The following ZC3H12B variants were observed in gnomAD, a reference collection of about 807,000 sequenced individuals.
ZC3H12B encodes the protein zinc finger CCCH-type containing 12B.
A neutral mutation model predicts 43.9 loss-of-function variants in ZC3H12B; 7 were observed. The observed-to-expected ratio is 0.16, with a 90% CI of 0.09 to 0.30. The LOEUF is 0.30. ZC3H12B is among the 10% of genes least tolerant of loss of function. ZC3H12B has a pLI of 1.00. For missense variants in ZC3H12B, 475 were observed against 670.2 expected, an observed-to-expected ratio of 0.71 and a Z score of 3.22; for synonymous variants, 222 against 241.7, an observed-to-expected ratio of 0.92 and a Z score of 0.76.
At chrX:65,478,425 T>G (rs2068024018) in intron 3 of ZC3H12B, among the ~76,000 whole-genome samples, 1 of 112,305 alleles carries the variant, frequency 8.9e-6, no homozygotes, top group South Asian at 3.7e-4. Flanking sequence ...AATTTTTTTG[T>G]TGAAGACTGA....
chrX:65,096,944 A>G, the ZC3H12B span, among the ~76,000 whole-genome samples: 18 of 111,668 alleles, frequency 1.6e-4, no homozygotes, highest in African/African-American at 5.9e-4. Flanking sequence ...TCAAGAGTGT[A>G]AGGGGATCCT....
chrX:65,231,790 A>C, the ZC3H12B span, among the ~76,000 whole-genome samples: 2 of 111,831 alleles, frequency 1.8e-5, no homozygotes, highest in Admixed American at 1.9e-4. Context: ...CACTGATTTC[A>C]TATTGTTCAA....
At chrX:65,220,859 A>G in the ZC3H12B span, among the ~76,000 whole-genome samples, 1 of 111,789 alleles carries the variant, frequency 8.9e-6, no homozygotes, top group Non-Finnish European at 1.9e-5. Context: ...GACTAAACAG[A>G]TAGTGCAGAA....
chrX:65,040,613 A>G, the ZC3H12B span, among the ~76,000 whole-genome samples: 5 of 110,593 alleles, frequency 4.5e-5, no homozygotes, highest in East Asian at 1.4e-3. Flanking sequence ...TGCAGTTTTT[A>G]CGGTTTTCTT....
chrX:65,503,312 G>T (rs1474928158), exon 5 of ZC3H12B: 2 of 748,658 alleles, frequency 2.7e-6, no homozygotes, highest in Non-Finnish European at 1.9e-6. Flanking sequence ...CGCTTTACAA[G>T]TTAGAGTGTT....
At chrX:65,143,631 T>C in the ZC3H12B span, among the ~76,000 whole-genome samples, 24,413 of 107,299 alleles carry the variant, frequency 0.23, 7,213 homozygotes, top group African/African-American at 0.8. Flanking sequence ...GGTGTGATCA[T>C]GGCTCACTGC....
chrX:65,336,322 G>A, the ZC3H12B span, among the ~76,000 whole-genome samples: 1 of 111,594 alleles, frequency 9.0e-6, no homozygotes, highest in African/African-American at 3.2e-5. Context: ...TGGCAACCCA[G>A]CCCGCTACAC....
chrX:65,114,282 A>G, the ZC3H12B span, among the ~76,000 whole-genome samples: 1,193 of 108,488 alleles, frequency 0.011, 7 homozygotes, highest in South Asian at 0.032. Context: ...AATGAATTGG[A>G]AAGAGTTCTT....
At chrX:65,401,194 C>T (rs1469081576) in intron 3 of ZC3H12B, among the ~76,000 whole-genome samples, 1 of 111,405 alleles carries the variant, frequency 9.0e-6, no homozygotes, top group Non-Finnish European at 1.9e-5. Context: ...AAAAAACATT[C>T]CTGAATCTCA....
At chrX:65,118,342 C>T in the ZC3H12B span, among the ~76,000 whole-genome samples, 1 of 111,377 alleles carries the variant, frequency 9.0e-6, no homozygotes, top group Non-Finnish European at 1.9e-5. Context: ...TGGGAGTTCA[C>T]TCATGATTTG....
At chrX:65,091,595 T>C in the ZC3H12B span, among the ~76,000 whole-genome samples, 2 of 112,072 alleles carry the variant, frequency 1.8e-5, no homozygotes, top group Admixed American at 9.5e-5. Context: ...GGACAAGGTG[T>C]GATGTAACAT....
At chrX:65,348,095 A>G in the ZC3H12B span, among the ~76,000 whole-genome samples, 9 of 104,662 alleles carry the variant, frequency 8.6e-5, no homozygotes, top group African/African-American at 3.1e-4. Flanking sequence ...GGGTGGGGGG[A>G]GTGGGGGGAT....
chrX:65,317,758 TAC>T, the ZC3H12B span, among the ~76,000 whole-genome samples: 3 of 102,856 alleles, frequency 2.9e-5, no homozygotes, highest in African/African-American at 3.5e-5. Flanking sequence ...TGTGTGTGTA[TAC>T]ACACACACAC....
chrX:65,450,795 A>G (rs181937996), intron 3 of ZC3H12B, among the ~76,000 whole-genome samples: 676 of 62,584 alleles, frequency 0.011, 3 homozygotes, highest in Admixed American at 0.025. Flanking sequence ...ATATGTATAT[A>G]TATACATATG....
chrX:65,202,172 ATTATATGTAATATATATTAT>A, the ZC3H12B span, among the ~76,000 whole-genome samples: 2 of 89,963 alleles, frequency 2.2e-5, no homozygotes, highest in Non-Finnish European at 4.5e-5. Flanking sequence ...TATAATATAT[ATTATATGTAATATATATTAT>A]ATATAATATA....
In ZC3H12B at chrX:65,392,339, C is replaced by T. The variant is rs770311746; in HGVS notation, n.296-6254C>T. Among the ~76,000 whole-genome samples the T allele has an allele frequency of 2.8e-3, 309 of 111,855 alleles. 3 individuals carry two copies. The highest frequency in any genetic ancestry group is 9.6e-3 in the African/African-American group (296 of 30,846). ...AGTGAGGAGCATCTCTGCCTGGCCG[C>T]CCATCTTCTGGGATGTGGGGAGCAC... On this transcript the variant is annotated intron_variant and non_coding_transcript_variant, in intron 2 of 5. Coordinates refer to the ZC3H12B transcript ENST00000617377.
chrX:65,302,839 T>C, the ZC3H12B span, among the ~76,000 whole-genome samples: 1 of 111,917 alleles, frequency 8.9e-6, no homozygotes, highest in Admixed American at 9.5e-5. Flanking sequence ...ATGGAAAACC[T>C]GTAAATAAAC....
At chrX:65,406,544 T>C in intron 3 of ZC3H12B, among the ~76,000 whole-genome samples, 1 of 87,704 alleles carries the variant, frequency 1.1e-5, no homozygotes, top group African/African-American at 4.7e-5. Flanking sequence ...CGGGCTAGCG[T>C]CCCCCGCCCG....
chrX:65,385,475 C>T (rs763084535), intron 2 of ZC3H12B, among the ~76,000 whole-genome samples: 1 of 111,860 alleles, frequency 8.9e-6, no homozygotes, highest in African/African-American at 3.2e-5. Context: ...TATAGGAATA[C>T]TTGTGATTTT....
Sources: gnomAD v4.1 joint callset for allele counts (sites outside exome capture counted in the v4.1 genomes callset) on GRCh38, gnomAD v4.1.1 for gene constraint, MANE v1.5 for transcripts, NCBI Gene and HGNC (gene_info 2026-07-23, HGNC 2026-07-21) for gene names.